CNTLN: variants seen among roughly 807,000 people sequenced by gnomAD.
CNTLN encodes centlein.
CNTLN carries 212 observed loss-of-function variants against 180.0 expected under a neutral mutation model. The ratio of observed to expected loss-of-function variants is 1.18; its 90% CI spans 1.05 to 1.32. CNTLN has a LOEUF of 1.32. Ranked by LOEUF, CNTLN falls within the 40% of genes most tolerant of loss-of-function variation. CNTLN has a pLI of 0.00. For missense variants in CNTLN, 2,095 were observed against 1,610.9 expected (o/e 1.30, Z -5.14); for synonymous variants, 722 against 563.1 (o/e 1.28, Z -3.99).
intron 12 of CNTLN, among the ~76,000 whole-genome samples, chr9:17,347,572 G>A (rs1198590559): frequency 6.6e-6 from 1 of 151,600 alleles, no homozygotes; most frequent in Admixed American, 6.6e-5. Flanking sequence ...AGGAGGCTGA[G>A]GCAGGAGAAT....
chr9:17,155,699 C>G (rs1355343393), intron 2 of CNTLN, among the ~76,000 whole-genome samples: 2 of 152,068 alleles, frequency 1.3e-5, no homozygotes, highest in South Asian at 2.1e-4. Flanking sequence ...GTTTCTTGGG[C>G]TCAGTGGGGG....
intron 15 of CNTLN, among the ~76,000 whole-genome samples, chr9:17,398,401 T>TG (rs1826698933): frequency 6.6e-6 from 1 of 151,846 alleles, no homozygotes; most frequent in Admixed American, 6.6e-5. Flanking sequence ...TAGAAAGTGA[T>TG]GGGGGGAGGG....
chr9:17,330,681 A>G lies in CNTLN; in HGVS notation c.1391A>G (p.Gln464Arg). The change falls in exon 9 of 26, where the codon CAG (glutamine) becomes CGG (arginine). Residue 464 changes from glutamine to arginine, a missense_variant. Physicochemically the swap from Gln to Arg is conservative, Grantham distance 43. Coordinates refer to ENST00000380647, the MANE Select transcript of CNTLN (RefSeq NM_017738.4). ...AGCTTAGAAACGTTAATGGTTTCACAGAAGTCTGAAATTGAGTATTTACAG... is the reference window on the plus strand; with the variant it reads ...AGCTTAGAAACGTTAATGGTTTCACGGAAGTCTGAAATTGAGTATTTACAG... ...LSSLETLMVS[Q>R]KSEIEYLQEK... 6.2e-7 allele frequency: 1 copy of G among 1,611,436 alleles called. No individual in the cohort carries two copies. Among genetic ancestry groups the G allele is most frequent in the Non-Finnish European group, 8.5e-7 (1 of 1,178,420 alleles).
At chr9:17,301,241 C>T in intron 7 of CNTLN, 2 of 985,412 alleles carry the variant, frequency 2.0e-6, no homozygotes, top group South Asian at 9.4e-5. Context: ...TTATATGCCC[C>T]TATTTGGCGA....
chr9:17,245,910 TA>T (rs1825773132), intron 5 of CNTLN, among the ~76,000 whole-genome samples: 1 of 152,112 alleles, frequency 6.6e-6, no homozygotes, highest in Non-Finnish European at 1.5e-5. Flanking sequence ...CAATTCCTTT[TA>T]AAAATATATC....
At chr9:17,145,876 A>G (rs570374947) in intron 2 of CNTLN, among the ~76,000 whole-genome samples, 1 of 152,256 alleles carries the variant, frequency 6.6e-6, no homozygotes, top group East Asian at 1.9e-4. Context: ...AATGACCGAA[A>G]ATGTCTTTCT....
chr9:17,491,693 T>A (rs1206202777), intron 25 of CNTLN, among the ~76,000 whole-genome samples: 1 of 152,142 alleles, frequency 6.6e-6, no homozygotes, highest in East Asian at 1.9e-4. Context: ...TTTTTGAGAA[T>A]TTAAAGTAAA....
At chr9:17,191,493 C>G (rs1821786085) in intron 2 of CNTLN, among the ~76,000 whole-genome samples, 1 of 152,194 alleles carries the variant, frequency 6.6e-6, no homozygotes, top group Admixed American at 6.5e-5. Flanking sequence ...ATGGGATTAA[C>G]TAATTTTCTT....
chr9:17,397,717 C>T (rs556858534), intron 15 of CNTLN, among the ~76,000 whole-genome samples: 1 of 152,320 alleles, frequency 6.6e-6, no homozygotes, highest in South Asian at 2.1e-4. Context: ...TGGAGTTGCT[C>T]TGTTTCAAAC....
At chr9:17,251,054 C>G (rs899101261) in intron 5 of CNTLN, among the ~76,000 whole-genome samples, 1 of 151,764 alleles carries the variant, frequency 6.6e-6, no homozygotes, top group Non-Finnish European at 1.5e-5. Flanking sequence ...TTCCTTATTA[C>G]GTTAAATATG....
chr9:17,290,937 C>T (rs1357607732), intron 6 of CNTLN, among the ~76,000 whole-genome samples: 8 of 152,172 alleles, frequency 5.3e-5, no homozygotes, highest in Admixed American at 2.6e-4. Flanking sequence ...AAACCCGGTA[C>T]CTCAGATGGA....
chr9:17,404,930 G>C (rs1461413838), intron 15 of CNTLN, among the ~76,000 whole-genome samples: 2 of 151,526 alleles, frequency 1.3e-5, no homozygotes, highest in African/African-American at 2.4e-5. Context: ...TAGAAATGGG[G>C]TTTCACCATG....
At chr9:17,357,625 T>TAC (rs1453912152) in intron 12 of CNTLN, among the ~76,000 whole-genome samples, 1 of 147,424 alleles carries the variant, frequency 6.8e-6, no homozygotes, top group Non-Finnish European at 1.5e-5. Flanking sequence ...ATACTACATA[T>TAC]ATATATAGTA....
At chr9:17,178,962 T>C (rs1378609654) in intron 2 of CNTLN, among the ~76,000 whole-genome samples, 1 of 151,472 alleles carries the variant, frequency 6.6e-6, no homozygotes, top group African/African-American at 2.4e-5. Flanking sequence ...TGTAGATTAT[T>C]GGCCGGGCGC....
intron 7 of CNTLN, among the ~76,000 whole-genome samples, chr9:17,302,984 A>AT (rs1327455251): frequency 6.6e-6 from 1 of 152,190 alleles, no homozygotes; most frequent in Non-Finnish European, 1.5e-5. Flanking sequence ...AATAGTTAAC[A>AT]TTTTTTAGCT....
chr9:17,468,740 C>A (rs1831893544), intron 23 of CNTLN, among the ~76,000 whole-genome samples: 1 of 151,490 alleles, frequency 6.6e-6, no homozygotes, highest in African/African-American at 2.4e-5. Flanking sequence ...TATATTTCTC[C>A]ATACAAAGTA....
At chr9:17,337,381 G>A (rs542632709) in intron 10 of CNTLN, among the ~76,000 whole-genome samples, 41 of 152,136 alleles carry the variant, frequency 2.7e-4, no homozygotes, top group Non-Finnish European at 4.3e-4. Context: ...TAAAGTCTTC[G>A]CCCATGCCTG....
At position 17,494,110 on chromosome 9, in the gene CNTLN, C is replaced by T. The variant is rs949774105; in HGVS notation, c.4119+7044C>T. On this transcript the variant is annotated intron_variant, in intron 25 of 25. Coordinates refer to ENST00000380647, the MANE Select transcript of CNTLN (RefSeq NM_017738.4). ...TTTTGTCACCCTTAAAAAGGATAAC[C>T]GTTTGAGGCCTGGGGAAAATACATG... 8.5e-5 allele frequency among the ~76,000 whole-genome samples: 13 copies of T among 152,236 alleles called. No individual in the cohort carries two copies. In the South Asian group the frequency reaches 2.1e-3, roughly 24 times the overall value.
At chr9:17,300,838 C>T (rs906260322) in intron 7 of CNTLN, 1 of 272,500 alleles carries the variant, frequency 3.7e-6, no homozygotes, top group African/African-American at 2.3e-5. Flanking sequence ...ATTCCTTGAA[C>T]ATAACAGGTA....
Sources: allele counts gnomAD v4.1 joint callset (sites outside exome capture counted in the v4.1 genomes callset), GRCh38; gene constraint gnomAD v4.1.1; transcripts MANE v1.5; gene names NCBI Gene and HGNC (gene_info 2026-07-23, HGNC 2026-07-21).